Variants in ZNF236 observed in about 807,000 individuals in gnomAD.
ZNF236 encodes zinc finger protein 236.
Under a neutral mutation model 191.2 loss-of-function variants are expected in ZNF236, and 50 were observed. The ratio of observed to expected loss-of-function variants is 0.26; its 90% CI spans 0.21 to 0.33. The LOEUF (loss-of-function observed/expected upper bound fraction) is 0.33. Ranked by LOEUF, ZNF236 falls within the 10% of genes least tolerant of loss-of-function variation. ZNF236 has a pLI of 1.00. For missense variants in ZNF236, 1,754 were observed against 2,374.5 expected, an observed-to-expected ratio of 0.74 and a Z score of 5.43; for synonymous variants, 907 against 928.8, an observed-to-expected ratio of 0.98 and a Z score of 0.43.
At chr18:76,900,908 C>G (rs1032707240) in intron 11 of ZNF236, among the ~76,000 whole-genome samples, 8 of 152,102 alleles carry the variant, frequency 5.3e-5, no homozygotes, top group Admixed American at 2.0e-4. Flanking sequence ...AAAACTGTTC[C>G]ACTCAGATGT....
At chr18:76,845,005 C>T (rs1975632182) in intron 1 of ZNF236, among the ~76,000 whole-genome samples, 1 of 152,114 alleles carries the variant, frequency 6.6e-6, no homozygotes, top group Non-Finnish European at 1.5e-5. Context: ...GTCCTAGTAG[C>T]TACAGGAAAC....
chr18:76,971,658 CTT>C lies in ZNF236; in HGVS notation c.*3320_*3321del, dbSNP rs1268241250. 6.6e-6 allele frequency among the ~76,000 whole-genome samples: 1 copy of C among 152,172 alleles called. No homozygotes were observed. The highest frequency in any genetic ancestry group is 1.9e-4 in the East Asian group (1 of 5,196). ...TTAGAAGTAGAAGTGGATTTCTTGTCTTGCTGTGGGTTTTCCTCATTTTAGAA... is the reference window on the plus strand; with the variant it reads ...TTAGAAGTAGAAGTGGATTTCTTGTCGCTGTGGGTTTTCCTCATTTTAGAA... On this transcript the variant is annotated 3_prime_UTR_variant, in exon 31 of 31. Coordinates refer to ENST00000320610, the MANE Select transcript of ZNF236 (RefSeq NM_001306089.2).
chr18:76,964,214 C>T (rs1468375950), intron 30 of ZNF236, among the ~76,000 whole-genome samples: 1 of 152,178 alleles, frequency 6.6e-6, no homozygotes, highest in Non-Finnish European at 1.5e-5. Flanking sequence ...GAACTTTCCT[C>T]CTAGCACTGC....
rs781782601 is a variant in ZNF236, at chr18:76,937,227, C to T, written c.4666C>T (p.Leu1556=). ...TCCATCGGCCATCTCGACTCAGAAC[C>T]TGGTCATGTCCTCGTCGGGCGTGGG... ...MSPSAISTQN[L]VMSSSGVGGD... Residue 1556 remains leucine (L), a synonymous_variant, in exon 26 of 31, where the codon CTG becomes TTG. Coordinates refer to ENST00000320610, the MANE Select transcript of ZNF236 (RefSeq NM_001306089.2). The T allele has an allele frequency of 1.2e-5, 19 of 1,614,060 alleles. No homozygotes were observed. The Admixed American group carries it at 3.2e-4, about 27-fold the overall frequency.
At chr18:76,858,587 G>A (rs1170617500) in intron 3 of ZNF236, among the ~76,000 whole-genome samples, 1 of 152,214 alleles carries the variant, frequency 6.6e-6, no homozygotes, top group East Asian at 1.9e-4. Flanking sequence ...GAACAGATGA[G>A]ATACTTCTCT....
chr18:76,966,704 C>G (rs543452726), intron 30 of ZNF236, among the ~76,000 whole-genome samples: 1 of 152,330 alleles, frequency 6.6e-6, no homozygotes, highest in East Asian at 1.9e-4. Flanking sequence ...GCCTTGGTTT[C>G]TCTCTTGATT....
At chr18:76,938,665 C>T (rs1413140879) in intron 26 of ZNF236, among the ~76,000 whole-genome samples, 1 of 152,194 alleles carries the variant, frequency 6.6e-6, no homozygotes, top group Non-Finnish European at 1.5e-5. Context: ...ATAGGCTTTG[C>T]CTAGAGCTCC....
chr18:76,864,196 CT>C (rs1202084465), intron 3 of ZNF236, among the ~76,000 whole-genome samples: 5,573 of 132,114 alleles, frequency 0.042, 146 homozygotes, highest in Middle Eastern at 0.08. Context: ...CAACAAATAT[CT>C]TTTTTTTTTT....
intron 27 of ZNF236, among the ~76,000 whole-genome samples, chr18:76,951,161 T>C (rs1968397546): frequency 6.6e-6 from 1 of 152,220 alleles, no homozygotes; most frequent in African/African-American, 2.4e-5. Flanking sequence ...ATTTTTGGAA[T>C]GGTAAATGAG....
At chr18:76,843,803 A>AAAAAAAAAG (rs71172383) in intron 1 of ZNF236, among the ~76,000 whole-genome samples, 2,827 of 62,054 alleles carry the variant, frequency 0.046, 1,059 homozygotes, top group East Asian at 0.093. Flanking sequence ...AAAAAAAAAA[A>AAAAAAAAAG]AAGTAAAGAA....
chr18:76,902,069 T>G (rs1035928179), intron 11 of ZNF236, among the ~76,000 whole-genome samples: 2 of 152,220 alleles, frequency 1.3e-5, no homozygotes, highest in African/African-American at 4.8e-5. Flanking sequence ...GGATATATTT[T>G]GCTTGTTGGC....
intron 3 of ZNF236, among the ~76,000 whole-genome samples, chr18:76,858,762 C>G (rs1282270340): frequency 6.3e-4 from 21 of 33,348 alleles, no homozygotes; most frequent in African/African-American, 7.0e-4. Context: ...GAGGGCTCAG[C>G]TGGAGGCGGG....
At chr18:76,912,993 C>T (rs1237150434) in intron 17 of ZNF236, among the ~76,000 whole-genome samples, 1 of 152,202 alleles carries the variant, frequency 6.6e-6, no homozygotes, top group African/African-American at 2.4e-5. Context: ...CAGACACTTC[C>T]AGCTTTTAGT....
intron 21 of ZNF236, among the ~76,000 whole-genome samples, chr18:76,924,854 C>T (rs866361453): frequency 3.3e-5 from 5 of 152,236 alleles, no homozygotes; most frequent in African/African-American, 4.8e-5. Flanking sequence ...AATTCAGAGC[C>T]GGGCTGTTAA....
chr18:76,830,825 A>G (rs1463291773), intron 1 of ZNF236, among the ~76,000 whole-genome samples: 4 of 152,120 alleles, frequency 2.6e-5, no homozygotes, highest in East Asian at 3.8e-4. Flanking sequence ...TTTGAGTTCT[A>G]TACTAATACA....
chr18:76,895,101 C>T lies in ZNF236; in HGVS notation c.1506C>T (p.His502=). The T allele has an allele frequency of 6.2e-7, 1 of 1,611,952 alleles. No individual in the cohort carries two copies. The highest frequency in any genetic ancestry group is 8.5e-7 in the Non-Finnish European group (1 of 1,180,020). ...EFRKPSDLVR[H]IRIHTHEKPF... is the part of the protein sequence containing the mutation. ...GCAAGCCCAGCGACCTGGTCCGCCA[C>T]ATCCGCATCCACACCCACGAGAAGC... Residue 502 remains histidine (H), a synonymous_variant, in exon 10 of 31, where the codon CAC becomes CAT. Transcript: ENST00000320610.
At chr18:76,962,207 T>A (rs573139227) in intron 30 of ZNF236, among the ~76,000 whole-genome samples, 4 of 152,350 alleles carry the variant, frequency 2.6e-5, no homozygotes, top group East Asian at 1.9e-4. Flanking sequence ...TTAGTTTTTT[T>A]AATCCATCTT....
chr18:76,847,822 GTTAGTT>G (rs1175743779), intron 1 of ZNF236, among the ~76,000 whole-genome samples: 1 of 152,222 alleles, frequency 6.6e-6, no homozygotes, highest in African/African-American at 2.4e-5. Flanking sequence ...AACATTTGCT[GTTAGTT>G]TTAGTGTAGA....
intron 25 of ZNF236, among the ~76,000 whole-genome samples, chr18:76,931,598 A>G (rs1312333065): frequency 6.6e-6 from 1 of 152,206 alleles, no homozygotes; most frequent in Non-Finnish European, 1.5e-5. Context: ...TCTGCCCTCC[A>G]GTGAGAATTT....
Sources: gnomAD v4.1 joint callset for allele counts (sites outside exome capture counted in the v4.1 genomes callset) on GRCh38, gnomAD v4.1.1 for gene constraint, MANE v1.5 for transcripts, NCBI Gene and HGNC (gene_info 2026-07-23, HGNC 2026-07-21) for gene names.